RASGRF2: variants seen among roughly 807,000 people sequenced by gnomAD.
RASGRF2 encodes the protein ras-specific guanine nucleotide-releasing factor 2.
A neutral mutation model predicts 151.0 loss-of-function variants in RASGRF2; 76 were observed. The observed-to-expected ratio is 0.50, with a 90% CI of 0.42 to 0.61. The LOEUF (loss-of-function observed/expected upper bound fraction) is 0.61. Among genes scored for constraint, RASGRF2 ranks in the 20% least tolerant of loss-of-function variants. RASGRF2 has a pLI of 0.00. For synonymous variants in RASGRF2, 504 were observed against 566.5 expected (o/e 0.89, Z 1.57); for missense variants, 1,148 against 1,564.6 (o/e 0.73, Z 4.49).
At chr5:81,184,668 C>A (rs2112682907) in intron 18 of RASGRF2, among the ~76,000 whole-genome samples, 1 of 152,284 alleles carries the variant, frequency 6.6e-6, no homozygotes, top group Admixed American at 6.5e-5. Context: ...GGCTTAGGGG[C>A]ATGTTTTTAA....
intron 1 of RASGRF2, among the ~76,000 whole-genome samples, chr5:81,033,794 A>G (rs1750360053): frequency 6.6e-6 from 1 of 152,254 alleles, no homozygotes; most frequent in African/African-American, 2.4e-5. Flanking sequence ...CAAAATTGAC[A>G]AATGGGATCC....
chr5:81,134,158 T>C (rs1434510726), intron 17 of RASGRF2, among the ~76,000 whole-genome samples: 2 of 151,464 alleles, frequency 1.3e-5, no homozygotes, highest in East Asian at 1.9e-4. Context: ...AAAATTTGGA[T>C]TTTCCAAATT....
chr5:81,063,184 G>T (rs1011586002), intron 2 of RASGRF2, among the ~76,000 whole-genome samples: 4 of 152,028 alleles, frequency 2.6e-5, no homozygotes, highest in African/African-American at 9.7e-5. Context: ...CATTTATCTT[G>T]TCTGGTATTT....
chr5:81,177,052 AC>A lies in RASGRF2; in HGVS notation c.2687-3121del, dbSNP rs369884257. 3.3e-5 allele frequency among the ~76,000 whole-genome samples: 5 copies of A among 151,910 alleles called. No individual in the cohort carries two copies. In the South Asian group the frequency reaches 1.0e-3, roughly 32 times the overall value. On this transcript the variant is annotated intron_variant, in intron 17 of 26. Coordinates refer to ENST00000265080, the MANE Select transcript of RASGRF2 (RefSeq NM_006909.3). ...AAGGTCCTGGGGCTTCTTCTCCTGA[AC>A]CATGTGGATGTTACAATCCCAACAC...
intron 17 of RASGRF2, among the ~76,000 whole-genome samples, chr5:81,174,691 A>C (rs1455803136): frequency 6.6e-6 from 1 of 152,222 alleles, no homozygotes; most frequent in Non-Finnish European, 1.5e-5. Flanking sequence ...AAACTTTTTT[A>C]TTGCAATCCA....
intron 1 of RASGRF2, among the ~76,000 whole-genome samples, chr5:80,992,648 T>C (rs1382867416): frequency 6.6e-6 from 1 of 152,194 alleles, no homozygotes; most frequent in Non-Finnish European, 1.5e-5. Context: ...GGAGTAAATA[T>C]AGATTAAGCT....
rs571500326 is a variant in RASGRF2, at chr5:81,206,939, A to C, written c.2967+34A>C. On this transcript the variant is annotated intron_variant, in intron 20 of 26. Transcript: ENST00000265080. ...GACCACATTTTTATCTAGCACAACT[A>C]TGTGCAAACTACCTCTCCAAGGCGA... 8 of 1,491,990 alleles carry C rather than the reference A, an allele frequency of 5.4e-6. No individual in the cohort carries two copies. The Admixed American group carries it at 1.3e-4, about 25-fold the overall frequency. 92.4% of individuals were successfully genotyped at this position (1,491,990 alleles called of 1,614,324 possible).
At chr5:81,202,778 C>T (rs1008346217) in intron 19 of RASGRF2, among the ~76,000 whole-genome samples, 1 of 152,208 alleles carries the variant, frequency 6.6e-6, no homozygotes, top group Non-Finnish European at 1.5e-5. Context: ...CAGACACAGA[C>T]AATGCCATCT....
At chr5:80,975,174 G>A (rs1748073812) in intron 1 of RASGRF2, among the ~76,000 whole-genome samples, 1 of 152,020 alleles carries the variant, frequency 6.6e-6, no homozygotes, top group East Asian at 1.9e-4. Context: ...GGCTCTGCAC[G>A]CCAATAAAGT....
At chr5:81,135,416 A>G (rs1753730315) in intron 17 of RASGRF2, among the ~76,000 whole-genome samples, 1 of 152,218 alleles carries the variant, frequency 6.6e-6, no homozygotes, top group Admixed American at 6.5e-5. Flanking sequence ...TTTAGCTGTT[A>G]GCAGTCACTC....
chr5:81,152,938 CT>C (rs1472215981), intron 17 of RASGRF2, among the ~76,000 whole-genome samples: 17 of 152,114 alleles, frequency 1.1e-4, no homozygotes, highest in Non-Finnish European at 4.4e-5. Flanking sequence ...AAACCTCATG[CT>C]GTTGAGTGTT....
intron 14 of RASGRF2, 64 bp from the exon 15 acceptor site, chr5:81,113,474 A>G (rs988353823): frequency 2.7e-6 from 4 of 1,473,270 alleles, no homozygotes; most frequent in African/African-American, 1.4e-5. Context: ...ATGTTCTTGA[A>G]TGACATCTGG....
chr5:80,982,749 T>A (rs370441681), intron 1 of RASGRF2, among the ~76,000 whole-genome samples: 2 of 151,894 alleles, frequency 1.3e-5, no homozygotes, highest in African/African-American at 2.4e-5. Context: ...TACAAGTGCC[T>A]GCCACCACCC....
chr5:81,161,691 AAATATT>A (rs1754387406), intron 17 of RASGRF2, among the ~76,000 whole-genome samples: 1 of 152,164 alleles, frequency 6.6e-6, no homozygotes, highest in Admixed American at 6.5e-5. Context: ...GACAATATAT[AAATATT>A]GTTTGTCCCT....
At chr5:80,996,138 C>T (rs917781757) in intron 1 of RASGRF2, among the ~76,000 whole-genome samples, 3 of 151,850 alleles carry the variant, frequency 2.0e-5, no homozygotes, top group African/African-American at 7.3e-5. Context: ...TTTTGCTTAC[C>T]TTTGAACCTT....
In RASGRF2 at chr5:81,002,400, T is replaced by C. The variant is rs1749109313; in HGVS notation, c.289-40477T>C. 3.3e-5 allele frequency among the ~76,000 whole-genome samples: 5 copies of C among 152,226 alleles called. No homozygotes were observed. The South Asian group carries it at 8.3e-4, about 25-fold the overall frequency. On this transcript the variant is annotated intron_variant, in intron 1 of 26. Transcript: ENST00000265080. ...ATTAAGATGCCATTCATTTGCTATC[T>C]GTTTTAAACGAATAATGATGAGGGA... is the stretch of plus-strand genomic sequence containing the variant.
chr5:81,123,895 G>A (rs1753382702), intron 16 of RASGRF2, 128 bp downstream of exon 16: 2 of 1,254,540 alleles, frequency 1.6e-6, no homozygotes, highest in South Asian at 3.2e-5. Context: ...AAATTAATTG[G>A]AAGCAAATAC....
chr5:81,214,407 C>T (rs937726791), intron 23 of RASGRF2, among the ~76,000 whole-genome samples: 5 of 152,204 alleles, frequency 3.3e-5, no homozygotes, highest in South Asian at 2.1e-4. Flanking sequence ...CTGCTTCAGA[C>T]ACCTTTGATG....
intron 1 of RASGRF2, among the ~76,000 whole-genome samples, chr5:80,979,832 G>A (rs1156810806): frequency 6.6e-6 from 1 of 152,150 alleles, no homozygotes; most frequent in Non-Finnish European, 1.5e-5. Context: ...TTGGTGCTTG[G>A]CGTTTGAGGA....
Sources: gnomAD v4.1 joint callset for allele counts (sites outside exome capture counted in the v4.1 genomes callset) on GRCh38, gnomAD v4.1.1 for gene constraint, MANE v1.5 for transcripts, NCBI Gene and HGNC (gene_info 2026-07-23, HGNC 2026-07-21) for gene names.